Variants in TMEM202 observed in about 807,000 individuals in gnomAD.
The protein encoded by TMEM202 is transmembrane protein 202.
A neutral mutation model predicts 26.1 loss-of-function variants in TMEM202; 25 were observed. The ratio of observed to expected loss-of-function variants is 0.96; its 90% CI spans 0.70 to 1.34. The LOEUF (loss-of-function observed/expected upper bound fraction) is 1.34, where lower values mean the gene tolerates loss of function less well. Ranked by LOEUF, TMEM202 falls within the 40% of genes most tolerant of loss-of-function variation. The pLI is 0.00. For synonymous variants in TMEM202, 122 were observed against 119.0 expected (o/e 1.02, Z -0.16); for missense variants, 301 against 327.7 (o/e 0.92, Z 0.63).
chr15:72,406,842 TC>T, intron 3 of TMEM202, 91 bp downstream of exon 3: 1 of 1,409,642 alleles, frequency 7.1e-7, no homozygotes, highest in African/African-American at 1.4e-5. Flanking sequence ...CTTTTTCTTA[TC>T]TCTTTGCTCT....
At chr15:72,405,735 C>T (rs759252793) in intron 2 of TMEM202, among the ~76,000 whole-genome samples, 155 of 152,192 alleles carry the variant, frequency 1.0e-3, no homozygotes, top group Non-Finnish European at 1.6e-3. Flanking sequence ...CGCCTTTAAT[C>T]CCAGCACTTT....
intron 2 of TMEM202, among the ~76,000 whole-genome samples, chr15:72,402,098 T>C (rs1223176875): frequency 1.3e-5 from 2 of 152,100 alleles, no homozygotes; most frequent in African/African-American, 2.4e-5. Context: ...CCCAAGTAGC[T>C]GGGATTACAG....
At position 72,408,319 on chromosome 15, in the gene TMEM202, T is replaced by C. The variant is rs2063583290; in HGVS notation, c.*426T>C. 6.6e-6 allele frequency among the ~76,000 whole-genome samples: 1 copy of C among 152,126 alleles called. No individual in the cohort carries two copies. Among genetic ancestry groups the C allele is most frequent in the Non-Finnish European group, 1.5e-5 (1 of 68,010 alleles). ...TGGACAAATACTGTTGAATCTGAAC[T>C]TAATAGCATTACCAGAAATGGAATA... On this transcript the variant is annotated 3_prime_UTR_variant, in exon 5 of 5. Coordinates refer to ENST00000341689, the MANE Select transcript of TMEM202 (RefSeq NM_001080462.3).
chr15:72,402,225 C>T (rs1183340542), intron 2 of TMEM202, among the ~76,000 whole-genome samples: 1 of 152,200 alleles, frequency 6.6e-6, no homozygotes, highest in Non-Finnish European at 1.5e-5. Context: ...CTCGGCCTCC[C>T]AAAGTGCTCA....
At chr15:72,404,581 CTTTG>C (rs1266534590) in intron 2 of TMEM202, among the ~76,000 whole-genome samples, 2 of 152,078 alleles carry the variant, frequency 1.3e-5, no homozygotes, top group African/African-American at 4.8e-5. Flanking sequence ...TGTCATTCAG[CTTTG>C]TTTATGTTTT....
At position 72,408,073 on chromosome 15, in the gene TMEM202, T is replaced by C. The variant is rs922342976; in HGVS notation, c.*180T>C. 3.5e-6 allele frequency: 2 copies of C among 578,362 alleles called. No homozygotes were observed. The highest frequency in any genetic ancestry group is 6.1e-6 in the Non-Finnish European group (2 of 328,350). 35.8% of individuals were successfully genotyped at this position (578,362 alleles called of 1,614,324 possible). A position where few individuals can be genotyped will look rare whatever the true frequency, so the allele number is the denominator to read the frequency against. ...CAAAATATATATGATAGTCATAAAG[T>C]AAATAACTCACTTAAGAAAAACATT... On this transcript the variant is annotated 3_prime_UTR_variant, in exon 5 of 5. Transcript: ENST00000341689.
chr15:72,406,757 G>A lies in TMEM202; in HGVS notation c.487+6G>A. ...CATGCTCAGCTTCATCTCAGGTACAGACCTAGACTGGCAGGGTATTTTACC... is the reference window on the plus strand; with the variant it reads ...CATGCTCAGCTTCATCTCAGGTACAAACCTAGACTGGCAGGGTATTTTACC... On this transcript the variant is annotated splice_donor_region_variant and intron_variant, in intron 3 of 4. Coordinates refer to ENST00000341689, the MANE Select transcript of TMEM202 (RefSeq NM_001080462.3). The A allele has an allele frequency of 6.2e-7, 1 of 1,613,432 alleles. No individual in the cohort carries two copies. The highest frequency in any genetic ancestry group is 8.5e-7 in the Non-Finnish European group (1 of 1,179,808).
intron 4 of TMEM202, 121 bp from the exon 5 acceptor site, chr15:72,407,570 G>A (rs2063578575): frequency 1.2e-6 from 1 of 822,928 alleles, no homozygotes. Context: ...CTCCACTGGG[G>A]GAGAGAGGGG....
In TMEM202 at chr15:72,404,983, T is replaced by C. The variant is rs547222934; in HGVS notation, c.338-1619T>C. ...AAAATGTGCAGCTTGTGAATTACTA[T>C]GTTTTAATGTGGCTCACTTGTTAGG... On this transcript the variant is annotated intron_variant, in intron 2 of 4. Coordinates refer to ENST00000341689, the MANE Select transcript of TMEM202 (RefSeq NM_001080462.3). 4.6e-5 allele frequency among the ~76,000 whole-genome samples: 7 copies of C among 152,340 alleles called. No homozygotes were observed. In the South Asian group the frequency reaches 6.2e-4, roughly 14 times the overall value.
chr15:72,406,540 C>A, intron 2 of TMEM202, 62 bp from the exon 3 acceptor site: 1 of 1,448,406 alleles, frequency 6.9e-7, no homozygotes, highest in South Asian at 1.2e-5. Context: ...TCTATCTGGC[C>A]TTTTTAAGGG....
At chr15:72,402,767 A>G (rs2063553800) in intron 2 of TMEM202, among the ~76,000 whole-genome samples, 1 of 152,148 alleles carries the variant, frequency 6.6e-6, no homozygotes, top group Non-Finnish European at 1.5e-5. Context: ...CCTAGGAACA[A>G]CCATATAGTA....
chr15:72,398,578 G>C, intron 1 of TMEM202, 75 bp from the exon 2 acceptor site: 1 of 1,569,254 alleles, frequency 6.4e-7, no homozygotes, highest in Non-Finnish European at 8.7e-7. Context: ...GAATGCTTGA[G>C]GTAGAGAAGA....
chr15:72,402,438 C>G (rs2063552016), intron 2 of TMEM202, among the ~76,000 whole-genome samples: 1 of 152,168 alleles, frequency 6.6e-6, no homozygotes, highest in Non-Finnish European at 1.5e-5. Context: ...GCTCATATTC[C>G]TATTCCCTGG....
At chr15:72,407,327 C>T (rs1424270876) in intron 4 of TMEM202, 110 bp downstream of exon 4, 1 of 1,299,030 alleles carries the variant, frequency 7.7e-7, no homozygotes, top group Non-Finnish European at 1.1e-6. Flanking sequence ...TTTCAGAACA[C>T]TGATACTTGG....
At chr15:72,403,416 G>A (rs956319070) in intron 2 of TMEM202, among the ~76,000 whole-genome samples, 1 of 152,136 alleles carries the variant, frequency 6.6e-6, no homozygotes, top group Non-Finnish European at 1.5e-5. Flanking sequence ...GAAGTGCCTT[G>A]GTATTCTTGT....
In TMEM202 at chr15:72,398,364, G is replaced by A. The variant is rs759644356; in HGVS notation, c.38G>A (p.Ser13Asn). The A allele has an allele frequency of 6.2e-7, 1 of 1,613,442 alleles. No homozygotes were observed. The highest frequency in any genetic ancestry group is 1.1e-5 in the South Asian group (1 of 90,708). ...GAACATTTAACCTTGACTTTCCACA[G>A]TCCTGAGGTTCCCAAAATAAAGGGG... ...RREHLTLTFH[S>N]PEVPKIKGNR... The change falls in exon 1 of 5, where the codon AGT becomes AAT. Residue 13 changes from serine to asparagine, a missense_variant. Physicochemically the swap from Ser to Asn is conservative, Grantham distance 46. Transcript: ENST00000341689.
chr15:72,406,245 A>G (rs2063570615), intron 2 of TMEM202, among the ~76,000 whole-genome samples: 1 of 151,966 alleles, frequency 6.6e-6, no homozygotes, highest in African/African-American at 2.4e-5. Flanking sequence ...ATTGTGGCTA[A>G]TTTTTTTCCT....
rs989718649 is a variant in TMEM202, at chr15:72,408,220, A to G, written c.*327A>G. 6.6e-6 allele frequency among the ~76,000 whole-genome samples: 1 copy of G among 152,224 alleles called. No homozygotes were observed. The highest frequency in any genetic ancestry group is 6.5e-5 in the Admixed American group (1 of 15,282). ...CATGGACCAGAATGGCCCGTGGAGA[A>G]GAATGTTAATTACTTCTGTTTGGAA... On this transcript the variant is annotated 3_prime_UTR_variant, in exon 5 of 5. Coordinates refer to ENST00000341689, the MANE Select transcript of TMEM202 (RefSeq NM_001080462.3).
chr15:72,405,763 A>G (rs1433049746), intron 2 of TMEM202, among the ~76,000 whole-genome samples: 1 of 152,128 alleles, frequency 6.6e-6, no homozygotes, highest in African/African-American at 2.4e-5. Context: ...CAAGGCGGGC[A>G]GATCACCTGA....
Sources: allele counts gnomAD v4.1 joint callset (sites outside exome capture counted in the v4.1 genomes callset), GRCh38; gene constraint gnomAD v4.1.1; transcripts MANE v1.5; gene names NCBI Gene and HGNC (gene_info 2026-07-23, HGNC 2026-07-21).